The following CNTNAP2 variants were observed in gnomAD, a reference collection of about 807,000 sequenced individuals.
CNTNAP2 encodes contactin associated protein 2.
In CNTNAP2, 98 loss-of-function variants were observed where a neutral mutation model predicts 155.2. The ratio of observed to expected loss-of-function variants is 0.63; its 90% confidence interval spans 0.54 to 0.75. The LOEUF is 0.75. Ranked by LOEUF, CNTNAP2 falls within the 30% of genes least tolerant of loss-of-function variation. CNTNAP2 has a pLI of 0.00. For missense variants in CNTNAP2, 1,727 were observed against 1,688.1 expected (o/e 1.02, Z -0.40); for synonymous variants, 651 against 631.2 (o/e 1.03, Z -0.47).
intron 15 of CNTNAP2, among the ~76,000 whole-genome samples, chr7:148,081,264 G>C (rs1803598123): frequency 6.6e-6 from 1 of 152,150 alleles, no homozygotes; most frequent in Admixed American, 6.5e-5. Flanking sequence ...TTCATGGAGG[G>C]TGTGATAGTT....
intron 1 of CNTNAP2, among the ~76,000 whole-genome samples, chr7:146,456,205 T>C (rs1796552372): frequency 6.6e-6 from 1 of 152,116 alleles, no homozygotes; most frequent in African/African-American, 2.4e-5. Flanking sequence ...AAATAAAAGG[T>C]GGTTGATTTC....
chr7:146,549,058 CT>C (rs565332134), intron 1 of CNTNAP2, among the ~76,000 whole-genome samples: 1,389 of 136,368 alleles, frequency 0.01, 9 homozygotes, highest in African/African-American at 0.026. Flanking sequence ...GTCCAATTTC[CT>C]TTTTTTTTTT....
At chr7:147,030,341 G>A (rs896633632) in intron 3 of CNTNAP2, among the ~76,000 whole-genome samples, 24 of 152,140 alleles carry the variant, frequency 1.6e-4, no homozygotes, top group Admixed American at 7.2e-4. Context: ...TCAGTACCTT[G>A]AGTATTATGC....
At chr7:147,952,513 C>T (rs544431729) in intron 14 of CNTNAP2, among the ~76,000 whole-genome samples, 36 of 151,910 alleles carry the variant, frequency 2.4e-4, no homozygotes, top group Non-Finnish European at 4.4e-4. Flanking sequence ...TATTTTGGCA[C>T]ATTAAATTGA....
intron 15 of CNTNAP2, among the ~76,000 whole-genome samples, chr7:148,032,909 A>G (rs1802505343): frequency 6.6e-6 from 1 of 152,194 alleles, no homozygotes; most frequent in Non-Finnish European, 1.5e-5. Context: ...AATCATTTAT[A>G]TCATATCATT....
chr7:147,407,739 T>G (rs1013860124), intron 10 of CNTNAP2, among the ~76,000 whole-genome samples: 1 of 152,176 alleles, frequency 6.6e-6, no homozygotes, highest in Non-Finnish European at 1.5e-5. Context: ...TCTTAATTGT[T>G]ACAGATAATG....
chr7:148,257,621 C>T (rs936512825), intron 20 of CNTNAP2, among the ~76,000 whole-genome samples: 1 of 152,130 alleles, frequency 6.6e-6, no homozygotes, highest in Non-Finnish European at 1.5e-5. Flanking sequence ...GCCTGCTGAC[C>T]CTCACCCTGA....
At chr7:147,566,002 G>A (rs188667744) in intron 12 of CNTNAP2, among the ~76,000 whole-genome samples, 9 of 151,534 alleles carry the variant, frequency 5.9e-5, no homozygotes, top group African/African-American at 1.7e-4. Flanking sequence ...CTCAATAGGC[G>A]GGACACGATG....
intron 21 of CNTNAP2, among the ~76,000 whole-genome samples, chr7:148,295,814 A>G (rs1797272798): frequency 6.7e-6 from 1 of 150,280 alleles, no homozygotes; most frequent in African/African-American, 2.5e-5. Flanking sequence ...AAAGCTTCCC[A>G]AAAGAGGATA....
At chr7:147,752,132 G>A (rs117033028) in intron 13 of CNTNAP2, among the ~76,000 whole-genome samples, 1,675 of 152,282 alleles carry the variant, frequency 0.011, 95 homozygotes, top group Admixed American at 0.087. Context: ...AACACCAGAC[G>A]ATGTTCTCTA....
At chr7:147,487,644 A>T (rs994315094) in intron 11 of CNTNAP2, among the ~76,000 whole-genome samples, 30 of 152,290 alleles carry the variant, frequency 2.0e-4, no homozygotes, top group African/African-American at 7.0e-4. Context: ...CATTGAACTG[A>T]AAAGCAACTT....
At chr7:148,247,027 T>A (rs1796274328) in intron 20 of CNTNAP2, among the ~76,000 whole-genome samples, 1 of 152,230 alleles carries the variant, frequency 6.6e-6, no homozygotes, top group Admixed American at 6.5e-5. Flanking sequence ...CGCATTAATA[T>A]CCTTTTCTCC....
intron 12 of CNTNAP2, among the ~76,000 whole-genome samples, chr7:147,589,052 A>G (rs565112369): frequency 1.5e-4 from 23 of 152,196 alleles, no homozygotes; most frequent in African/African-American, 5.5e-4. Context: ...TGATCAATTT[A>G]TTTCTGTTTA....
intron 13 of CNTNAP2, among the ~76,000 whole-genome samples, chr7:147,781,772 C>A (rs1797664695): frequency 6.6e-6 from 1 of 152,120 alleles, no homozygotes; most frequent in Non-Finnish European, 1.5e-5. Flanking sequence ...GCCGGTAATC[C>A]CAGCACTTTG....
intron 21 of CNTNAP2, among the ~76,000 whole-genome samples, chr7:148,287,203 C>A (rs1797098412): frequency 6.6e-6 from 1 of 152,198 alleles, no homozygotes; most frequent in Non-Finnish European, 1.5e-5. Context: ...AGATTAGCTT[C>A]TTTCACTTTG....
chr7:146,649,241 G>A (rs2129163270), intron 1 of CNTNAP2, among the ~76,000 whole-genome samples: 1 of 152,170 alleles, frequency 6.6e-6, no homozygotes, highest in Admixed American at 6.6e-5. Flanking sequence ...CTGTCTTCTA[G>A]CTGATAAATT....
intron 3 of CNTNAP2, among the ~76,000 whole-genome samples, chr7:146,939,589 GAGA>G (rs1171758315): frequency 1.3e-5 from 2 of 152,132 alleles, no homozygotes; most frequent in East Asian, 3.9e-4. Context: ...CGGTTCCCAT[GAGA>G]AGAAGAAATT....
At chr7:147,508,919 A>G (rs1449300138) in intron 11 of CNTNAP2, among the ~76,000 whole-genome samples, 2 of 152,194 alleles carry the variant, frequency 1.3e-5, no homozygotes, top group East Asian at 3.9e-4. Flanking sequence ...ATATTTCTTC[A>G]TAGCAGTATG....
chr7:146,690,906 G>T (rs2249085), intron 1 of CNTNAP2, among the ~76,000 whole-genome samples: 121,725 of 152,054 alleles, frequency 0.8, 49,313 homozygotes, highest in South Asian at 0.91. Context: ...TAGAATGATT[G>T]GAAAGAACAT....
Sources: allele counts gnomAD v4.1 joint callset (sites outside exome capture counted in the v4.1 genomes callset), GRCh38; gene constraint gnomAD v4.1.1; transcripts MANE v1.5; gene names NCBI Gene and HGNC (gene_info 2026-07-23, HGNC 2026-07-21).